Variants in RCAN1 observed in about 807,000 individuals in gnomAD.
RCAN1 encodes regulator of calcineurin 1, also known as calcipressin-1.
RCAN1 carries 11 observed loss-of-function variants against 22.9 expected under a neutral mutation model. The observed-to-expected ratio is 0.48, with a 90% CI of 0.30 to 0.79. The LOEUF (loss-of-function observed/expected upper bound fraction) is 0.79, where lower values mean the gene tolerates loss of function less well. Among genes scored for constraint, RCAN1 ranks in the 30% least tolerant of loss-of-function variants. The pLI is 0.06. For synonymous variants in RCAN1, 136 were observed against 142.3 expected, an observed-to-expected ratio of 0.96 and a Z score of 0.32; for missense variants, 291 against 337.8, an observed-to-expected ratio of 0.86 and a Z score of 1.09.
chr21:34,613,847 G>A (rs1988744952), intron 1 of RCAN1: 3 of 1,459,590 alleles, frequency 2.1e-6, no homozygotes, highest in Non-Finnish European at 2.8e-6. Context: ...ATAGTTCATT[G>A]ACAGCATTTG....
chr21:34,593,749 G>A (rs192625763), intron 1 of RCAN1, among the ~76,000 whole-genome samples: 20 of 152,284 alleles, frequency 1.3e-4, no homozygotes, highest in Middle Eastern at 3.4e-3. Context: ...CATGGTTTCC[G>A]GAGTAGGAAA....
At chr21:34,526,112 T>C (rs1293732064) in intron 1 of RCAN1, among the ~76,000 whole-genome samples, 1 of 152,214 alleles carries the variant, frequency 6.6e-6, no homozygotes, top group Non-Finnish European at 1.5e-5. Flanking sequence ...AAAATGATTA[T>C]ATTAATCACC....
At chr21:34,522,722 G>A (rs1398427289) in intron 2 of RCAN1, 2 of 144,782 alleles carry the variant, frequency 1.4e-5, no homozygotes, top group Non-Finnish European at 3.0e-5. Context: ...GTATGTGTGT[G>A]TGTGGTGGGG....
intron 1 of RCAN1, among the ~76,000 whole-genome samples, chr21:34,572,789 A>G (rs1197716803): frequency 6.6e-6 from 1 of 152,214 alleles, no homozygotes; most frequent in African/African-American, 2.4e-5. Context: ...GAAAGGTCTC[A>G]GGAAATGTAT....
rs1984223376 is a variant in RCAN1, at chr21:34,518,563, G to A, written c.587-307C>T. ...GTCCACCAGATATCTAAACTACCCA[G>A]AGAACTCCCTTTCTGTCAGCATTTC... On this transcript the variant is annotated intron_variant, in intron 3 of 3. Transcript: ENST00000313806. This position sits in a 1 kb window ranked among gnomAD's most constrained non-coding sequence, Gnocchi z 4.2. 6.6e-6 allele frequency among the ~76,000 whole-genome samples: 1 copy of A among 152,238 alleles called. No homozygotes were observed. The highest frequency in any genetic ancestry group is 2.4e-5 in the African/African-American group (1 of 41,466).
intron 1 of RCAN1, among the ~76,000 whole-genome samples, chr21:34,535,669 A>C (rs1227324546): frequency 1.3e-5 from 2 of 152,190 alleles, no homozygotes; most frequent in Admixed American, 6.5e-5. Flanking sequence ...ACTTTGCCTG[A>C]ATTACTACAA....
intron 1 of RCAN1, among the ~76,000 whole-genome samples, chr21:34,570,134 A>G (rs1987183356): frequency 6.6e-6 from 1 of 152,250 alleles, no homozygotes; most frequent in Non-Finnish European, 1.5e-5. Context: ...GCAGTGTTCA[A>G]TAAGTGTAGT....
At chr21:34,592,974 G>C (rs1364070498) in intron 1 of RCAN1, among the ~76,000 whole-genome samples, 1 of 152,200 alleles carries the variant, frequency 6.6e-6, no homozygotes, top group African/African-American at 2.4e-5. Flanking sequence ...GTACCCATGA[G>C]GGCTTCAGTA....
chr21:34,519,095 C>A (rs972593175), intron 3 of RCAN1, among the ~76,000 whole-genome samples: 2 of 152,182 alleles, frequency 1.3e-5, no homozygotes, highest in African/African-American at 4.8e-5. Context: ...CACCTCAGTT[C>A]CCTCCTCAGT....
At chr21:34,521,427 G>A in intron 3 of RCAN1, 72 bp downstream of exon 3, 1 of 1,609,190 alleles carries the variant, frequency 6.2e-7, no homozygotes, top group Non-Finnish European at 8.5e-7. Context: ...GGGTAGTGGT[G>A]GTACTGCTCC....
At chr21:34,542,348 C>G (rs1215237883) in intron 1 of RCAN1, among the ~76,000 whole-genome samples, 1 of 152,162 alleles carries the variant, frequency 6.6e-6, no homozygotes, top group South Asian at 2.1e-4. Flanking sequence ...AAGCCATGCC[C>G]TTCTGCCTTG....
Position 34,597,809 on chromosome 21 carries a change from TAGTC to T in RCAN1, c.252+16947_252+16950del, listed in dbSNP as rs549949657. Among the ~76,000 whole-genome samples, 3 of 152,108 alleles carry T rather than the reference TAGTC, an allele frequency of 2.0e-5. No homozygotes were observed. In the East Asian group the frequency reaches 5.8e-4, roughly 29 times the overall value. On this transcript the variant is annotated intron_variant, in intron 1 of 3. Coordinates refer to ENST00000313806, the MANE Select transcript of RCAN1 (RefSeq NM_004414.7). ...ATGCAAAAGAATCAACTATTAGAAA[TAGTC>T]AAAGGCTTTAGCACAGGTGGTTGGT...
intron 2 of RCAN1, chr21:34,522,415 G>C (rs1162650186): frequency 6.6e-6 from 1 of 152,160 alleles, no homozygotes; most frequent in East Asian, 1.9e-4. Flanking sequence ...AAAGGTCAGA[G>C]GAGTACTAAG....
At chr21:34,593,961 G>A (rs779655822) in intron 1 of RCAN1, among the ~76,000 whole-genome samples, 4 of 152,138 alleles carry the variant, frequency 2.6e-5, no homozygotes, top group Non-Finnish European at 4.4e-5. Flanking sequence ...GGCTGGAGGC[G>A]TGGGGCATGG....
chr21:34,534,672 C>T (rs145763444), intron 1 of RCAN1, among the ~76,000 whole-genome samples: 60 of 152,248 alleles, frequency 3.9e-4, no homozygotes, highest in African/African-American at 1.3e-3. Context: ...TGAAGGGCAG[C>T]CTTTGTCTGT....
At chr21:34,597,385 C>T (rs1265149579) in intron 1 of RCAN1, among the ~76,000 whole-genome samples, 2 of 152,200 alleles carry the variant, frequency 1.3e-5, no homozygotes, top group Non-Finnish European at 2.9e-5. Context: ...GTGGACAGTG[C>T]GGATACAGGA....
At chr21:34,547,316 C>T (rs1261524556) in intron 1 of RCAN1, among the ~76,000 whole-genome samples, 33 of 152,166 alleles carry the variant, frequency 2.2e-4, no homozygotes, top group Admixed American at 1.3e-4. Flanking sequence ...ATCACAGCTT[C>T]CCCTCACCTT....
chr21:34,581,015 C>T (rs2123697245), intron 1 of RCAN1, among the ~76,000 whole-genome samples: 1 of 152,278 alleles, frequency 6.6e-6, no homozygotes, highest in Non-Finnish European at 1.5e-5. Context: ...TAGACAAGCA[C>T]TAGGAGAACC....
At chr21:34,588,684 T>C (rs751174675) in intron 1 of RCAN1, among the ~76,000 whole-genome samples, 34 of 152,334 alleles carry the variant, frequency 2.2e-4, no homozygotes, top group Middle Eastern at 3.4e-3. Flanking sequence ...CCTCTGTGTA[T>C]GTATCTAAAA....
Sources: gnomAD v4.1 joint callset for allele counts (sites outside exome capture counted in the v4.1 genomes callset) on GRCh38, gnomAD v4.1.1 for gene constraint, Gnocchi (gnomAD v3.1) non-coding constraint, MANE v1.5 for transcripts, NCBI Gene and HGNC (gene_info 2026-07-23, HGNC 2026-07-21) for gene names.